PTGR1: variants seen among roughly 807,000 people sequenced by gnomAD.
PTGR1 encodes the protein prostaglandin reductase 1, also known as 15-oxoprostaglandin 13-reductase.
PTGR1 carries 23 observed loss-of-function variants against 37.7 expected under a neutral mutation model. The ratio of observed to expected loss-of-function variants is 0.61; its 90% CI spans 0.44 to 0.86. The LOEUF (loss-of-function observed/expected upper bound fraction) is 0.86. PTGR1 is among the 40% of genes least tolerant of loss of function. The probability of loss-of-function intolerance (pLI) is 0.00; values close to 1 mark genes in which losing one functional copy is unlikely to be tolerated. For synonymous variants in PTGR1, 134 were observed against 140.0 expected (o/e 0.96, Z 0.30); for missense variants, 351 against 394.3 (o/e 0.89, Z 0.93).
At chr9:111,592,656 TA>T in intron 4 of PTGR1, 1 of 332,728 alleles carries the variant, frequency 3.0e-6, no homozygotes. Flanking sequence ...GATCCCGCAA[TA>T]AATCATGACC....
rs187919941 is a variant in PTGR1 at position 111,567,291 on chromosome 9, G to A, written c.879+2800C>T. Among the ~76,000 whole-genome samples, 4 of 152,216 alleles carry A rather than the reference G, an allele frequency of 2.6e-5. No individual in the cohort carries two copies. In the East Asian group the frequency reaches 5.8e-4, roughly 22 times the overall value. On this transcript the variant is annotated intron_variant, in intron 9 of 9. Coordinates refer to ENST00000407693, the MANE Select transcript of PTGR1 (RefSeq NM_001146108.2). ...CAACCTCCGCCTCCCAGGTTCAAGCGATTCTCCTGCCTCAGCCTCCCAAGT... is the reference window on the plus strand; with the variant it reads ...CAACCTCCGCCTCCCAGGTTCAAGCAATTCTCCTGCCTCAGCCTCCCAAGT...
At chr9:111,597,109 C>G (rs1457351464) in intron 2 of PTGR1, among the ~76,000 whole-genome samples, 1 of 152,094 alleles carries the variant, frequency 6.6e-6, no homozygotes, top group Non-Finnish European at 1.5e-5. Context: ...GACATGTGAG[C>G]AAGGCCCATC....
chr9:111,572,283 A>G (rs111470644), intron 8 of PTGR1, among the ~76,000 whole-genome samples: 34 of 152,280 alleles, frequency 2.2e-4, no homozygotes, highest in African/African-American at 7.7e-4. Flanking sequence ...AGGGATTGGA[A>G]CTCTCATTTC....
At chr9:111,577,373 T>C (rs897926082) in intron 7 of PTGR1, 4 of 152,212 alleles carry the variant, frequency 2.6e-5, no homozygotes, top group Admixed American at 6.5e-5. Flanking sequence ...GAATGTAAAG[T>C]ACTGTAGCCA....
At chr9:111,585,713 T>A (rs982695064) in intron 5 of PTGR1, among the ~76,000 whole-genome samples, 1 of 152,212 alleles carries the variant, frequency 6.6e-6, no homozygotes, top group Non-Finnish European at 1.5e-5. Context: ...CTGGCTTATT[T>A]CACTTAACAT....
chr9:111,579,798 G>A lies in PTGR1; in HGVS notation c.496-847C>T, dbSNP rs180832783. 3.2e-3 allele frequency among the ~76,000 whole-genome samples: 484 copies of A among 152,248 alleles called. 3 individuals are homozygous for A. Among genetic ancestry groups the A allele is most frequent in the Non-Finnish European group, 5.4e-3 (369 of 68,010 alleles). On this transcript the variant is annotated intron_variant, in intron 6 of 9. Coordinates refer to ENST00000407693, the MANE Select transcript of PTGR1 (RefSeq NM_001146108.2). ...TTTAGTCCAAAGCACCAGACTACAC[G>A]CTTCCTAATCACAGAGGAGCTAGGA...
At chr9:111,592,219 T>G (rs992801332) in intron 4 of PTGR1, 4 of 152,254 alleles carry the variant, frequency 2.6e-5, no homozygotes, top group African/African-American at 9.6e-5. Flanking sequence ...TATGGATTGT[T>G]TGTAACCAGC....
intron 9 of PTGR1, chr9:111,563,500 T>A: frequency 3.7e-6 from 1 of 270,612 alleles, no homozygotes; most frequent in Non-Finnish European, 6.9e-6. Flanking sequence ...AAGCAATCTC[T>A]TTTTCTTTCT....
chr9:111,582,309 G>A (rs527331634), intron 6 of PTGR1, among the ~76,000 whole-genome samples: 27 of 152,266 alleles, frequency 1.8e-4, no homozygotes, highest in Admixed American at 1.4e-3. Flanking sequence ...AGGTTTAAGC[G>A]CAAGTCCTAT....
intron 4 of PTGR1, among the ~76,000 whole-genome samples, chr9:111,586,915 G>C (rs1001084930): frequency 2.6e-5 from 4 of 151,572 alleles, no homozygotes; most frequent in Non-Finnish European, 5.9e-5. Flanking sequence ...TCACTTCCTG[G>C]GTTCAAGCAA....
At chr9:111,585,247 T>C (rs909686814) in intron 5 of PTGR1, among the ~76,000 whole-genome samples, 1 of 152,178 alleles carries the variant, frequency 6.6e-6, no homozygotes, top group Non-Finnish European at 1.5e-5. Flanking sequence ...CATAAGTGAA[T>C]AAATTATCTT....
chr9:111,557,682 G>A (rs554157915), downstream of PTGR1, among the ~76,000 whole-genome samples: 2 of 151,910 alleles, frequency 1.3e-5, no homozygotes, highest in African/African-American at 4.8e-5. Flanking sequence ...CGCCCACCTC[G>A]GCCTCCCTAA....
At chr9:111,577,338 T>C (rs1281857709) in intron 7 of PTGR1, 1 of 152,136 alleles carries the variant, frequency 6.6e-6, no homozygotes, top group Non-Finnish European at 1.5e-5. Flanking sequence ...GTAGAGAAGT[T>C]GGAACCCTCA....
At chr9:111,566,644 G>C (rs1181419638) in intron 9 of PTGR1, among the ~76,000 whole-genome samples, 2 of 152,190 alleles carry the variant, frequency 1.3e-5, no homozygotes, top group African/African-American at 4.8e-5. Flanking sequence ...ACCTGGAAGA[G>C]CTGTGGCACA....
intron 5 of PTGR1, 56 bp from the exon 6 acceptor site, chr9:111,583,645 C>G (rs1271244341): frequency 7.3e-7 from 1 of 1,376,626 alleles, no homozygotes; most frequent in East Asian, 2.3e-5. Flanking sequence ...CTCTATAACT[C>G]ATTTATATAT....
chr9:111,587,457 A>AT (rs1390717585), intron 4 of PTGR1, among the ~76,000 whole-genome samples: 1 of 152,074 alleles, frequency 6.6e-6, no homozygotes, highest in Non-Finnish European at 1.5e-5. Context: ...GTATGTATTT[A>AT]TTTATTTATT....
intron 6 of PTGR1, 71 bp downstream of exon 6, chr9:111,583,401 A>C: frequency 7.7e-7 from 1 of 1,292,004 alleles, no homozygotes. Context: ...GCCAAGGAAG[A>C]TTTGCTGTGT....
intron 8 of PTGR1, among the ~76,000 whole-genome samples, chr9:111,570,930 G>A (rs988877404): frequency 2.0e-5 from 3 of 152,186 alleles, no homozygotes; most frequent in African/African-American, 7.2e-5. Context: ...TAGAAGCAGA[G>A]ATGAGAGAGA....
chr9:111,579,790 G>C (rs189244075), intron 6 of PTGR1, among the ~76,000 whole-genome samples: 22 of 151,860 alleles, frequency 1.4e-4, no homozygotes, highest in African/African-American at 5.1e-4. Flanking sequence ...CAAAGCACCA[G>C]ACTACACGCT....
Sources: allele counts gnomAD v4.1 joint callset (sites outside exome capture counted in the v4.1 genomes callset), GRCh38; gene constraint gnomAD v4.1.1; transcripts MANE v1.5; gene names NCBI Gene and HGNC (gene_info 2026-07-23, HGNC 2026-07-21).